DDX19A: variants seen among roughly 807,000 people sequenced by gnomAD.
The protein encoded by DDX19A is DEAD-box helicase 19A.
A neutral mutation model predicts 60.6 loss-of-function variants in DDX19A; 12 were observed. The observed-to-expected ratio is 0.20, with a 90% CI of 0.13 to 0.32. DDX19A has a LOEUF of 0.32. DDX19A is among the 10% of genes least tolerant of loss of function. DDX19A has a pLI of 1.00. For missense variants in DDX19A, 337 were observed against 600.6 expected, an observed-to-expected ratio of 0.56 and a Z score of 4.59; for synonymous variants, 206 against 218.2, an observed-to-expected ratio of 0.94 and a Z score of 0.49.
intron 9 of DDX19A, among the ~76,000 whole-genome samples, chr16:70,369,623 T>C (rs948254249): frequency 2.7e-5 from 4 of 148,506 alleles, no homozygotes; most frequent in South Asian, 2.1e-4. Flanking sequence ...TTTTCTTCTT[T>C]TTTTTTTTTT....
chr16:70,364,604 G>C lies in DDX19A; in HGVS notation c.448G>C (p.Ala150Pro). Residue 150 changes from alanine to proline, a missense_variant, in exon 6 of 12, where the codon GCC (alanine) becomes CCC (proline). Coordinates refer to ENST00000302243, the MANE Select transcript of DDX19A (RefSeq NM_018332.5). ...GTGKTAAFVL[A>P]MLSRVEPSDR... ...TGGTAAAACAGCTGCCTTTGTCTTA[G>C]CCATGCTCAGCCGAGTGGAGCCATC... 1 of 1,614,184 alleles carries C rather than the reference G, an allele frequency of 6.2e-7. No homozygotes were observed. The highest frequency in any genetic ancestry group is 8.5e-7 in the Non-Finnish European group (1 of 1,180,030).
intron 2 of DDX19A, among the ~76,000 whole-genome samples, chr16:70,351,665 C>T (rs997680114): frequency 1.7e-4 from 26 of 151,958 alleles, no homozygotes; most frequent in Admixed American, 1.6e-3. Context: ...GCTGGGACTA[C>T]AGGCGCCCGC....
chr16:70,347,381 T>C (rs1218088992), intron 1 of DDX19A: 2 of 387,912 alleles, frequency 5.2e-6, no homozygotes, highest in African/African-American at 4.1e-5. Context: ...GTTCTTCGCA[T>C]GTTTCTGTAC....
Position 70,366,591 on chromosome 16 carries a change from C to A in DDX19A, c.783-33C>A, listed in dbSNP as rs200534875. 7 of 1,613,490 alleles carry A rather than the reference C, an allele frequency of 4.3e-6. No individual in the cohort carries two copies. In the South Asian group the frequency reaches 6.6e-5, roughly 15 times the overall value. On this transcript the variant is annotated intron_variant, in intron 8 of 11. Transcript: ENST00000302243. ...GTGCTTCCGTTGCTTCCCAGGGCCA[C>A]CTGGGGCCATCTACCCGGGCCTTCC... is the stretch of plus-strand genomic sequence containing the variant.
rs761037749 is a variant in DDX19A at position 70,366,900 on chromosome 16, C to T, written c.1020+39C>T. ...GCAGTGGCAGGCCTGGCCCCTCCCT[C>T]TCAGCCAGCTCCCCACAGGGCTCAG... On this transcript the variant is annotated intron_variant, in intron 9 of 11. Transcript: ENST00000302243. 8.7e-6 allele frequency: 14 copies of T among 1,611,236 alleles called. No individual in the cohort carries two copies. The Middle Eastern group carries it at 5.0e-4, about 57-fold the overall frequency.
chr16:70,370,337 C>A lies in DDX19A; in HGVS notation c.1135C>A (p.Arg379=), dbSNP rs745696286. ...GAGGGCTGCGGTGATTGAGCGCTTC[C>A]GAGAGGGCAAAGAGAAGGTTTTGGT... ...EQRAAVIERF[R]EGKEKVLVTT... The change falls in exon 10 of 12, where the codon CGA becomes AGA. Residue 379 remains arginine, a synonymous_variant. Coordinates refer to ENST00000302243, the MANE Select transcript of DDX19A (RefSeq NM_018332.5). The A allele has an allele frequency of 6.2e-7, 1 of 1,613,876 alleles. No homozygotes were observed. The highest frequency in any genetic ancestry group is 8.5e-7 in the Non-Finnish European group (1 of 1,179,906).
chr16:70,348,010 G>A, intron 1 of DDX19A: 1 of 450,182 alleles, frequency 2.2e-6, no homozygotes, highest in South Asian at 1.6e-5. Context: ...TTTTTGAGAG[G>A]GCTATTGACA....
At chr16:70,367,340 A>AT (rs1411585729) in intron 9 of DDX19A, among the ~76,000 whole-genome samples, 1 of 151,772 alleles carries the variant, frequency 6.6e-6, no homozygotes, top group East Asian at 1.9e-4. Flanking sequence ...AGGCAGGAGA[A>AT]TGGTGTGAAC....
intron 2 of DDX19A, among the ~76,000 whole-genome samples, chr16:70,351,815 A>G (rs1964026560): frequency 1.3e-5 from 2 of 152,146 alleles, no homozygotes; most frequent in Non-Finnish European, 2.9e-5. Flanking sequence ...GGTGTGAGCC[A>G]CCACGCCCGG....
At position 70,371,993 on chromosome 16, in the gene DDX19A, C is replaced by G. The variant is rs753166726; in HGVS notation, c.*7C>G. On this transcript the variant is annotated 3_prime_UTR_variant, in exon 12 of 12. Transcript: ENST00000302243. ...TGAGAAAATAGCCAACTGAGAAGCTCCACCAGCCACTGATGCCAGCCCTGG... is the reference window on the plus strand; with the variant it reads ...TGAGAAAATAGCCAACTGAGAAGCTGCACCAGCCACTGATGCCAGCCCTGG... The G allele has an allele frequency of 1.0e-4, 163 of 1,613,870 alleles. No individual in the cohort carries two copies. The highest frequency in any genetic ancestry group is 1.3e-4 in the Non-Finnish European group (156 of 1,179,880).
intron 2 of DDX19A, 141 bp from the exon 3 acceptor site, chr16:70,355,344 C>A: frequency 3.1e-6 from 2 of 646,768 alleles, no homozygotes; most frequent in Non-Finnish European, 5.3e-6. Flanking sequence ...CATTGCACTC[C>A]AGCCTTGGGC....
chr16:70,355,382 T>C, intron 2 of DDX19A, 103 bp from the exon 3 acceptor site: 1 of 941,512 alleles, frequency 1.1e-6, no homozygotes, highest in Non-Finnish European at 1.7e-6. Flanking sequence ...GTCTGAAAAA[T>C]AAAAAAATAA....
At chr16:70,347,196 T>C (rs1963859417) in intron 1 of DDX19A, 148 bp downstream of exon 1, 4 of 775,518 alleles carry the variant, frequency 5.2e-6, no homozygotes, top group Non-Finnish European at 8.7e-6. Flanking sequence ...TGATTTGCTC[T>C]TAGAGCTAAA....
intron 6 of DDX19A, 134 bp from the exon 7 acceptor site, chr16:70,364,883 C>T: frequency 1.3e-6 from 1 of 747,976 alleles, no homozygotes; most frequent in East Asian, 2.6e-5. Context: ...CAGTCTATGG[C>T]TGAAAGGTGG....
In DDX19A at chr16:70,371,976, T is replaced by C; in HGVS notation, c.1427T>C (p.Ile476Thr). The change falls in exon 12 of 12, where the codon ATA becomes ACA. Residue 476 changes from isoleucine to threonine, a missense_variant. Ile to Thr is a moderately conservative substitution (Grantham distance 89). Coordinates refer to ENST00000302243, the MANE Select transcript of DDX19A (RefSeq NM_018332.5). ...DTDDLDEIEK[I>T]AN Reference sequence around the variant, plus strand: ...GATGATTTGGACGAGATTGAGAAAATAGCCAACTGAGAAGCTCCACCAGCC... The same window carrying C: ...GATGATTTGGACGAGATTGAGAAAACAGCCAACTGAGAAGCTCCACCAGCC... The C allele has an allele frequency of 6.2e-7, 1 of 1,613,784 alleles. No individual in the cohort carries two copies. Among genetic ancestry groups the C allele is most frequent in the Non-Finnish European group, 8.5e-7 (1 of 1,179,836 alleles).
intron 2 of DDX19A, among the ~76,000 whole-genome samples, chr16:70,351,084 G>A (rs1052165064): frequency 1.3e-5 from 2 of 150,418 alleles, no homozygotes; most frequent in African/African-American, 2.4e-5. Context: ...GGGTTTCGCC[G>A]TGTTAGCCAG....
Position 70,350,848 on chromosome 16 carries a change from ATTATTTATTTAT to A in DDX19A, c.106+278_106+289del, listed in dbSNP as rs200007299. Among the ~76,000 whole-genome samples, 461 of 144,078 alleles carry A rather than the reference ATTATTTATTTAT, an allele frequency of 3.2e-3. 2 individuals carry two copies. The highest frequency in any genetic ancestry group is 0.031 in the Middle Eastern group (9 of 288). The allele number at this position is 144,078 out of a possible 152,430, so 94.5% of individuals were successfully genotyped here. Reference sequence around the variant, plus strand: ...TGTTCATTTGATAATATTTTGGCAAATTATTTATTTATTTATTTATTTATTTATTTATTTATT... The same window carrying A: ...TGTTCATTTGATAATATTTTGGCAAATTATTTATTTATTTATTTATTTATT... On this transcript the variant is annotated intron_variant, in intron 2 of 11. Transcript: ENST00000302243.
chr16:70,368,026 A>T (rs550287533), intron 9 of DDX19A, among the ~76,000 whole-genome samples: 20 of 152,292 alleles, frequency 1.3e-4, no homozygotes, highest in African/African-American at 4.6e-4. Flanking sequence ...ACTTAAAAAA[A>T]ATTAGCTGGA....
At chr16:70,370,638 G>A in intron 10 of DDX19A, 1 of 456,832 alleles carries the variant, frequency 2.2e-6, no homozygotes, top group Non-Finnish European at 3.7e-6. Flanking sequence ...AGAGGTTGCA[G>A]TGAGCCGAGA....
Sources: gnomAD v4.1 joint callset for allele counts (sites outside exome capture counted in the v4.1 genomes callset) on GRCh38, gnomAD v4.1.1 for gene constraint, MANE v1.5 for transcripts, NCBI Gene and HGNC (gene_info 2026-07-23, HGNC 2026-07-21) for gene names.